Variants in TNKS observed in about 807,000 individuals in gnomAD.
The protein encoded by TNKS is poly [ADP-ribose] polymerase tankyrase-1.
Under a neutral mutation model 135.8 loss-of-function variants are expected in TNKS, and 72 were observed. The observed-to-expected ratio is 0.53, with a 90% CI of 0.44 to 0.64. The LOEUF is 0.64. Ranked by LOEUF, TNKS falls within the 30% of genes least tolerant of loss-of-function variation. The pLI, the probability that TNKS is intolerant of heterozygous loss-of-function variation, is 0.00. For synonymous variants in TNKS, 849 were observed against 649.3 expected, an observed-to-expected ratio of 1.31 and a Z score of -4.68; for missense variants, 1,769 against 1,674.0, an observed-to-expected ratio of 1.06 and a Z score of -0.99.
At chr8:9,761,138 T>C (rs921710207) in intron 20 of TNKS, among the ~76,000 whole-genome samples, 1 of 152,216 alleles carries the variant, frequency 6.6e-6, no homozygotes, top group African/African-American at 2.4e-5. Flanking sequence ...TCATTTCTAC[T>C]CCCTGCTGGA....
chr8:9,678,209 C>A (rs564524874), intron 3 of TNKS, among the ~76,000 whole-genome samples: 1 of 152,100 alleles, frequency 6.6e-6, no homozygotes, highest in South Asian at 2.1e-4. Context: ...AGATACATTG[C>A]GTAATTTGAT....
In TNKS at chr8:9,761,720, C is replaced by G. The variant is rs991366451; in HGVS notation, c.3274+84C>G. The G allele has an allele frequency of 2.8e-6, 4 of 1,412,380 alleles. No homozygotes were observed. The African/African-American group carries it at 5.9e-5, about 21-fold the overall frequency. 87.5% of individuals were successfully genotyped at this position (1,412,380 alleles called of 1,614,324 possible). A position where few individuals can be genotyped will look rare whatever the true frequency, so the allele number is the denominator to read the frequency against. On this transcript the variant is annotated intron_variant, in intron 21 of 26. Transcript: ENST00000310430. The stretch of plus-strand genomic sequence containing the variant: ...GGGCTGATAATTGAACTCAGGCAGT[C>G]CAGTCCCAGAACCATACACTGAACT...
At chr8:9,680,985 T>C (rs73664780) in intron 5 of TNKS, 185 bp downstream of exon 5, 1 of 454,114 alleles carries the variant, frequency 2.2e-6, no homozygotes, top group Non-Finnish European at 3.9e-6. Flanking sequence ...TGGTGAAGCA[T>C]GGATCTTAAG....
chr8:9,697,896 C>T (rs1803592920), intron 5 of TNKS, among the ~76,000 whole-genome samples: 1 of 152,134 alleles, frequency 6.6e-6, no homozygotes. Context: ...AATCCCATTA[C>T]TAGATCTATA....
At chr8:9,703,017 AAAAC>A (rs1165908413) in intron 5 of TNKS, among the ~76,000 whole-genome samples, 8 of 152,320 alleles carry the variant, frequency 5.3e-5, no homozygotes, top group Non-Finnish European at 8.8e-5. Context: ...TTCCATCCAA[AAAAC>A]AAACAAACAA....
chr8:9,562,312 T>A (rs901581588), intron 1 of TNKS, among the ~76,000 whole-genome samples: 6 of 152,086 alleles, frequency 3.9e-5, no homozygotes, highest in African/African-American at 1.4e-4. Flanking sequence ...TTAATGAGAG[T>A]CATTTGAATA....
At chr8:9,567,017 T>C (rs1797571407) in intron 1 of TNKS, among the ~76,000 whole-genome samples, 1 of 152,244 alleles carries the variant, frequency 6.6e-6, no homozygotes. Context: ...TCTGTGCTAC[T>C]CAAATGGAAA....
chr8:9,625,261 G>A (rs1170342471), intron 3 of TNKS, among the ~76,000 whole-genome samples: 1 of 151,806 alleles, frequency 6.6e-6, no homozygotes, highest in Non-Finnish European at 1.5e-5. Context: ...AGGGTCTGTA[G>A]TAATAATCCC....
chr8:9,759,712 C>G (rs985579606), intron 20 of TNKS, among the ~76,000 whole-genome samples: 1 of 152,140 alleles, frequency 6.6e-6, no homozygotes, highest in Admixed American at 6.5e-5. Context: ...CGGTGGCTCA[C>G]GCCTGTAATC....
chr8:9,728,882 G>A (rs958312524), intron 13 of TNKS, among the ~76,000 whole-genome samples: 11 of 152,098 alleles, frequency 7.2e-5, no homozygotes, highest in Non-Finnish European at 1.0e-4. Context: ...CTTAAAAAGC[G>A]CTTGTTTTTA....
intron 3 of TNKS, among the ~76,000 whole-genome samples, chr8:9,655,490 C>G (rs1801321404): frequency 6.6e-6 from 1 of 152,178 alleles, no homozygotes; most frequent in Non-Finnish European, 1.5e-5. Flanking sequence ...GGAGGCACCC[C>G]CCAGTAGGGG....
intron 2 of TNKS, among the ~76,000 whole-genome samples, chr8:9,602,002 T>C (rs1345595917): frequency 6.6e-6 from 1 of 152,006 alleles, no homozygotes; most frequent in Non-Finnish European, 1.5e-5. Context: ...GAGTAGACGT[T>C]CTCAAGCAGG....
chr8:9,767,496 G>T (rs946769094), intron 25 of TNKS, among the ~76,000 whole-genome samples: 6 of 152,250 alleles, frequency 3.9e-5, no homozygotes, highest in Admixed American at 3.3e-4. Context: ...TCAGAACAAG[G>T]ATCTCTGAGG....
chr8:9,771,579 G>T (rs1451351874), intron 26 of TNKS, among the ~76,000 whole-genome samples: 1 of 132,264 alleles, frequency 7.6e-6, no homozygotes, highest in African/African-American at 2.9e-5. Flanking sequence ...GAGGAAGGAA[G>T]AGAGAAAGGG....
intron 26 of TNKS, among the ~76,000 whole-genome samples, chr8:9,775,520 C>G (rs970156688): frequency 2.0e-5 from 2 of 101,814 alleles, no homozygotes; most frequent in African/African-American, 6.9e-5. Flanking sequence ...CAGAACTTAA[C>G]ATTTATGTTT....
At chr8:9,751,524 C>G (rs1366887680) in intron 18 of TNKS, 85 bp from the exon 19 acceptor site, 2 of 1,288,394 alleles carry the variant, frequency 1.6e-6, no homozygotes, top group African/African-American at 3.0e-5. Context: ...AGGAAAAAAT[C>G]CACAAAGTAT....
intron 2 of TNKS, among the ~76,000 whole-genome samples, chr8:9,590,920 A>G (rs190375463): frequency 8.2e-4 from 125 of 152,358 alleles, no homozygotes; most frequent in African/African-American, 2.7e-3. Flanking sequence ...AATGGTTAAC[A>G]TTAAAAAGTC....
In TNKS at chr8:9,707,888, G is replaced by A. The variant is rs115174883; in HGVS notation, c.1457-483G>A. ...AATGTTTTCTATACCATTACTTATG[G>A]TGTACTTATGGTGGCAATAGTAGTA... On this transcript the variant is annotated intron_variant, in intron 8 of 26. Coordinates refer to ENST00000310430, the MANE Select transcript of TNKS (RefSeq NM_003747.3). Among the ~76,000 whole-genome samples, 497 of 152,172 alleles carry A rather than the reference G, an allele frequency of 3.3e-3. 4 individuals carry two copies. The highest frequency in any genetic ancestry group is 0.011 in the African/African-American group (470 of 41,512).
chr8:9,666,857 C>T (rs1320291773), intron 3 of TNKS, among the ~76,000 whole-genome samples: 3 of 152,044 alleles, frequency 2.0e-5, no homozygotes, highest in Admixed American at 6.6e-5. Context: ...ATAATTGGCC[C>T]TGAATTGTCA....
Sources: allele counts gnomAD v4.1 joint callset (sites outside exome capture counted in the v4.1 genomes callset), GRCh38; gene constraint gnomAD v4.1.1; transcripts MANE v1.5; gene names NCBI Gene and HGNC (gene_info 2026-07-23, HGNC 2026-07-21).